Variants in FBN3 observed in about 807,000 individuals in gnomAD.
FBN3 encodes fibrillin 3.
FBN3 carries 234 observed loss-of-function variants against 330.1 expected under a neutral mutation model. That is an observed-to-expected ratio of 0.71 (90% CI 0.64 to 0.79). The LOEUF is 0.79. Ranked by LOEUF, FBN3 falls within the 30% of genes least tolerant of loss-of-function variation. The probability of loss-of-function intolerance (pLI) is 0.00; values close to 1 mark genes in which losing one functional copy is unlikely to be tolerated. For missense variants in FBN3, 3,606 were observed against 3,886.9 expected (o/e 0.93, Z 1.92); for synonymous variants, 1,458 against 1,517.3 (o/e 0.96, Z 0.91).
At position 8,084,053 on chromosome 19, in the gene FBN3, C is replaced by T. The variant is rs530171917; in HGVS notation, c.7088-681G>A. On this transcript the variant is annotated intron_variant, in intron 56 of 63. Transcript: ENST00000600128. ...TCCTGACCTCGTGATCTGCCCGCCT[C>T]AGCCTCCCAAAGTGCTGGGATTACA... Among the ~76,000 whole-genome samples the T allele has an allele frequency of 2.1e-3, 312 of 152,052 alleles. 2 individuals carry two copies. Among genetic ancestry groups the T allele is most frequent in the Middle Eastern group, 0.017 (5 of 294 alleles).
intron 22 of FBN3, 127 bp from the exon 23 acceptor site, chr19:8,124,135 G>T: frequency 1.3e-6 from 1 of 758,620 alleles, no homozygotes; most frequent in Non-Finnish European, 2.2e-6. Context: ...GGCCAGAGTG[G>T]AAAGGGGTGA....
At chr19:8,071,967 A>G (rs1255369189) in intron 63 of FBN3, 81 bp downstream of exon 63, 6 of 1,409,656 alleles carry the variant, frequency 4.3e-6, no homozygotes, top group Admixed American at 2.1e-5. Flanking sequence ...GGGGGCTGAC[A>G]TGACTAAGTC....
At position 8,125,899 on chromosome 19, in the gene FBN3, C is replaced by G. The variant is rs769115091; in HGVS notation, c.2724G>C (p.Leu908=). The part of the protein sequence containing the change: ...EGLMLDASGR[L]CVDVRLEPCF... Reference sequence around the variant, plus strand: ...GACCTCGCCTGGACTCACCCACGCACAGCCGGCCTGAGGCGTCCAGCATCA... The same window carrying G: ...GACCTCGCCTGGACTCACCCACGCAGAGCCGGCCTGAGGCGTCCAGCATCA... Residue 908 remains leucine (L), a synonymous_variant, in exon 22 of 64, where the codon CTG becomes CTC. Coordinates refer to ENST00000600128, the MANE Select transcript of FBN3 (RefSeq NM_032447.5). The G allele has an allele frequency of 4.3e-6, 7 of 1,612,010 alleles. No homozygotes were observed. The South Asian group carries it at 7.7e-5, about 18-fold the overall frequency.
chr19:8,142,517 T>C (rs1432552427), intron 6 of FBN3, among the ~76,000 whole-genome samples: 1 of 152,092 alleles, frequency 6.6e-6, no homozygotes, highest in Non-Finnish European at 1.5e-5. Context: ...AGCACACGCC[T>C]GGCCCTGCCA....
chr19:8,086,072 A>T (rs867434857), intron 55 of FBN3, 128 bp downstream of exon 55: 76 of 196,182 alleles, frequency 3.9e-4, no homozygotes, highest in Middle Eastern at 2.0e-3. Context: ...CAGTGGAGGG[A>T]ACAGGCAGTG....
chr19:8,130,599 A>G lies in FBN3; in HGVS notation c.2044+636T>C, dbSNP rs1345791310. ...AAGAAAGAATGAAAGAAAGAAAGAA[A>G]GAAAGAAAGAAAGAAAGAAAGAAAG... is the stretch of plus-strand genomic sequence containing the variant. On this transcript the variant is annotated intron_variant, in intron 16 of 63. Coordinates refer to ENST00000600128, the MANE Select transcript of FBN3 (RefSeq NM_032447.5). Among the ~76,000 whole-genome samples the G allele has an allele frequency of 3.8e-3, 54 of 14,314 alleles. 8 individuals carry two copies. Among genetic ancestry groups the G allele is most frequent in the African/African-American group, 0.011 (21 of 1,908 alleles). The allele number at this position is 14,314 out of a possible 152,430, so 9.4% of individuals were successfully genotyped here.
intron 32 of FBN3, among the ~76,000 whole-genome samples, chr19:8,111,398 G>A (rs547719366): frequency 2.0e-5 from 3 of 152,210 alleles, no homozygotes; most frequent in Admixed American, 6.5e-5. Context: ...CTCCAGAGAG[G>A]GGACCCAGTC....
Position 8,129,420 on chromosome 19 carries a change from A to G in FBN3, c.2045-55T>C, listed in dbSNP as rs1443370863. On this transcript the variant is annotated intron_variant, in intron 16 of 63. Coordinates refer to ENST00000600128, the MANE Select transcript of FBN3 (RefSeq NM_032447.5). The surrounding 1 kb of genome is among the most constrained non-coding windows in gnomAD (Gnocchi z 4.5). The stretch of plus-strand genomic sequence containing the variant: ...AGCAGAAGGAGGGTGTGTCCGAGGC[A>G]GGAGGAGGGTGTGTCGCGGCGCACC... 1.2e-6 allele frequency: 2 copies of G among 1,602,222 alleles called. No homozygotes were observed. Among genetic ancestry groups the G allele is most frequent in the East Asian group, 4.5e-5 (2 of 44,746 alleles).
rs148887854 is a variant in FBN3, at chr19:8,123,620, C to T, written c.2957-31G>A. On this transcript the variant is annotated intron_variant, in intron 23 of 63. Transcript: ENST00000600128. ...GTACAGGGGCATCAAACCACCCTGA[C>T]GTCCCCAAGCTCAGGATCCATACAC... 3.4e-4 allele frequency: 546 copies of T among 1,611,982 alleles called. No homozygotes were observed. The African/African-American group carries it at 6.6e-3, about 19-fold the overall frequency.
chr19:8,067,778 T>C (rs1012731121), intron 63 of FBN3, among the ~76,000 whole-genome samples: 16 of 151,914 alleles, frequency 1.1e-4, no homozygotes, highest in Non-Finnish European at 5.9e-5. Context: ...AAATGGAAAA[T>C]GTAAAAGTGA....
At chr19:8,091,143 G>A (rs977532535) in intron 48 of FBN3, among the ~76,000 whole-genome samples, 11 of 152,164 alleles carry the variant, frequency 7.2e-5, no homozygotes, top group Admixed American at 5.9e-4. Flanking sequence ...CAGCTGAAAC[G>A]GAGCCAGCCC....
chr19:8,110,852 G>A lies in FBN3; in HGVS notation c.4326C>T (p.Asn1442=). The A allele has an allele frequency of 6.2e-7, 1 of 1,614,220 alleles. No individual in the cohort carries two copies. The highest frequency in any genetic ancestry group is 8.5e-7 in the Non-Finnish European group (1 of 1,180,040). Residue 1442 remains asparagine (N), a synonymous_variant, in exon 34 of 64, where the codon AAC becomes AAT. Coordinates refer to ENST00000600128, the MANE Select transcript of FBN3 (RefSeq NM_032447.5). ...GCCCAGATGACCTCACACCTGTGCA[G>A]TTGCCACCCCCTCGGTCCAGTTCGT... ...GGYELDRGGG[N]CTDINECADP...
At position 8,117,593 on chromosome 19, in the gene FBN3, TG is replaced by T; in HGVS notation, c.3338-5del. ...CTCAGGGAGCACTCATCGATGTCTG[TG>T]GGGGAGTGCAGGTGAAAGACGGGCC... On this transcript the variant is annotated splice_polypyrimidine_tract_variant and splice_region_variant and intron_variant, in intron 26 of 63. Transcript: ENST00000600128. The T allele has an allele frequency of 6.5e-7, 1 of 1,537,734 alleles. No individual in the cohort carries two copies. The highest frequency in any genetic ancestry group is 8.8e-7 in the Non-Finnish European group (1 of 1,137,776).
intron 30 of FBN3, among the ~76,000 whole-genome samples, chr19:8,115,163 C>A (rs1373466148): frequency 6.6e-6 from 1 of 152,168 alleles, no homozygotes; most frequent in African/African-American, 2.4e-5. Context: ...CCCAGAGAAT[C>A]AATTTCTAAG....
rs1568377935 is a variant in FBN3 at position 8,089,587 on chromosome 19, GAC to G, written c.6332_6333del (p.Cys2111SerfsTer43). 1 of 1,614,198 alleles carries G rather than the reference GAC, an allele frequency of 6.2e-7. No homozygotes were observed. The highest frequency in any genetic ancestry group is 1.1e-5 in the South Asian group (1 of 91,076). On this transcript the variant is annotated frameshift_variant, in exon 51 of 64. Coordinates refer to ENST00000600128, the MANE Select transcript of FBN3 (RefSeq NM_032447.5). LOFTEE classifies it high-confidence loss of function. ...VNTDGSFRCECPFGYSLDFTG... is the reference protein window; with the variant it reads ...VNTDGSFRCEXPFGYSLDFTG... The stretch of plus-strand genomic sequence containing the variant: ...GTGAAGTCCAGGCTGTAGCCAAAGG[GAC>G]ACTCACAGCGGAAGGATCCATCGGT...
intron 24 of FBN3, 129 bp downstream of exon 24, chr19:8,123,335 C>G: frequency 9.6e-7 from 1 of 1,039,072 alleles, no homozygotes; most frequent in Non-Finnish European, 1.4e-6. Context: ...GCCTGGATAA[C>G]AAGAGTAAAA....
At chr19:8,128,586 G>T (rs1197970872) in intron 18 of FBN3, among the ~76,000 whole-genome samples, 1 of 151,830 alleles carries the variant, frequency 6.6e-6, no homozygotes, top group Non-Finnish European at 1.5e-5. Flanking sequence ...AAGAATACGT[G>T]TGTATGTAAA....
rs2081953557 is a variant in FBN3, at chr19:8,086,196, T to C, written c.6880+4A>G. The C allele has an allele frequency of 8.3e-6, 13 of 1,562,562 alleles. No homozygotes were observed. Among genetic ancestry groups the C allele is most frequent in the Non-Finnish European group, 1.1e-5 (13 of 1,146,344 alleles). ...AACCACTGTGCGTGTCCAGCCACAC[T>C]CACCGTGGCACTCGGTAAGGGTGGG... On this transcript the variant is annotated splice_donor_region_variant and intron_variant, in intron 55 of 63. Coordinates refer to ENST00000600128, the MANE Select transcript of FBN3 (RefSeq NM_032447.5).
rs371857748 is a variant in FBN3, at chr19:8,117,326, G to A, written c.3464-35C>T. The A allele has an allele frequency of 1.1e-3, 1,702 of 1,563,126 alleles. 4 individuals are homozygous for A. The highest frequency in any genetic ancestry group is 1.4e-3 in the Non-Finnish European group (1,582 of 1,154,956). ...GCAGGGCAGACAGGGGCTGGGGCTG[G>A]GGGGAGGGGTCCAGGATGGGGAGGG... is the stretch of plus-strand genomic sequence containing the variant. On this transcript the variant is annotated intron_variant, in intron 27 of 63. Transcript: ENST00000600128.
Sources: gnomAD v4.1 joint callset for allele counts (sites outside exome capture counted in the v4.1 genomes callset) on GRCh38, gnomAD v4.1.1 for gene constraint, Gnocchi (gnomAD v3.1) non-coding constraint, MANE v1.5 for transcripts, NCBI Gene and HGNC (gene_info 2026-07-23, HGNC 2026-07-21) for gene names.